The following POLRMT variants were observed in gnomAD, a reference collection of about 807,000 sequenced individuals.
The protein encoded by POLRMT is RNA polymerase mitochondrial, also known as DNA-directed RNA polymerase, mitochondrial.
A neutral mutation model predicts 132.2 loss-of-function variants in POLRMT; 114 were observed. The observed-to-expected ratio is 0.86, with a 90% CI of 0.74 to 1.01. The LOEUF is 1.01. POLRMT is among the 50% of genes least tolerant of loss of function. POLRMT has a pLI of 0.00. For missense variants in POLRMT, 2,003 were observed against 1,729.1 expected, an observed-to-expected ratio of 1.16 and a Z score of -2.81; for synonymous variants, 1,020 against 773.4, an observed-to-expected ratio of 1.32 and a Z score of -5.29.
intron 3 of POLRMT, among the ~76,000 whole-genome samples, chr19:627,397 C>T (rs1337864718): frequency 1.3e-5 from 2 of 151,740 alleles, no homozygotes; most frequent in Non-Finnish European, 2.9e-5. Context: ...CGTGATCCGC[C>T]CGCCTCAGCC....
intron 3 of POLRMT, among the ~76,000 whole-genome samples, chr19:628,832 C>T (rs914677791): frequency 3.3e-5 from 5 of 151,934 alleles, no homozygotes; most frequent in Non-Finnish European, 5.9e-5. Flanking sequence ...GTGAAACCCC[C>T]GTCTCTACTC....
chr19:628,618 G>A (rs1030790183), intron 3 of POLRMT, among the ~76,000 whole-genome samples: 1 of 131,232 alleles, frequency 7.6e-6, no homozygotes, highest in African/African-American at 3.1e-5. Context: ...CTCAAATTAG[G>A]GCTGAAGGAT....
intron 5 of POLRMT, 55 bp downstream of exon 5, chr19:624,664 A>AC: frequency 6.4e-7 from 1 of 1,560,008 alleles, no homozygotes; most frequent in South Asian, 1.2e-5. Context: ...GGCTCCAGGA[A>AC]CCCCCAAAGG....
chr19:628,786 C>A (rs1239030144), intron 3 of POLRMT, among the ~76,000 whole-genome samples: 1 of 152,062 alleles, frequency 6.6e-6, no homozygotes, highest in Non-Finnish European at 1.5e-5. Flanking sequence ...GGGCAGATCA[C>A]GAGGTCAGGA....
chr19:629,120 C>T (rs1056211337), intron 3 of POLRMT, among the ~76,000 whole-genome samples: 2 of 152,128 alleles, frequency 1.3e-5, no homozygotes, highest in African/African-American at 2.4e-5. Context: ...GGGAATGCGG[C>T]GCCAGTGAAC....
rs1418335682 is a variant in POLRMT at position 632,869 on chromosome 19, C to A, written c.158G>T (p.Arg53Leu). The change falls in exon 2 of 21, where the codon CGC becomes CTC. Residue 53 changes from arginine to leucine, a missense_variant. Transcript: ENST00000588649. ...CTCCACGTGGCCCCAGTCCTTCCTG[C>A]GGTCTTGGTCTTGCTCCTGGGGGCT... The part of the protein sequence containing the change: ...SASPQEQDQD[R>L]RKDWGHVELL... The A allele has an allele frequency of 1.9e-6, 3 of 1,551,036 alleles. No homozygotes were observed. The African/African-American group carries it at 4.2e-5, about 22-fold the overall frequency.
chr19:624,218 G>C (rs2144646816), intron 5 of POLRMT, among the ~76,000 whole-genome samples: 1 of 152,284 alleles, frequency 6.6e-6, no homozygotes, highest in Admixed American at 6.5e-5. Context: ...AACACAAAAG[G>C]TCTCGCAGTG....
In POLRMT at chr19:619,596, T is replaced by TCGCTCAGCTCCCGGAGG; in HGVS notation, c.3039_3055dup (p.Asp1019AlafsTer5). ...ACATGCCTGGCGCACCTGGGGAAAG[T>TCGCTCAGCTCCCGGAGG]CGCTCAGCTCCCGGAGGCGCTTCTC... On this transcript the variant is annotated stop_gained and frameshift_variant, in exon 13 of 21. Coordinates refer to ENST00000588649, the MANE Select transcript of POLRMT (RefSeq NM_005035.4). LOFTEE classifies it high-confidence loss of function. 1 of 1,611,178 alleles carries TCGCTCAGCTCCCGGAGG rather than the reference T, an allele frequency of 6.2e-7. No individual in the cohort carries two copies.
Position 621,084 on chromosome 19 carries a change from G to A in POLRMT, c.2614C>T (p.Leu872=), listed in dbSNP as rs755045482. 1.8e-5 allele frequency: 29 copies of A among 1,609,314 alleles called. No individual in the cohort carries two copies. Among genetic ancestry groups the A allele is most frequent in the Non-Finnish European group, 2.3e-5 (27 of 1,178,236 alleles). Residue 872 remains leucine (L), a synonymous_variant, in exon 10 of 21, where the codon CTG becomes TTG. Transcript: ENST00000588649. ...GTCAAGGGTTGGTCCGCGGAGTCCAGGATGTCATCCATCACCTCCTCCGCA... is the reference window on the plus strand; with the variant it reads ...GTCAAGGGTTGGTCCGCGGAGTCCAAGATGTCATCCATCACCTCCTCCGCA... ...AFAEEVMDDI[L]DSADQPLTGR...
chr19:617,778 T>G lies in POLRMT; in HGVS notation c.3494A>C (p.Gln1165Pro). The G allele has an allele frequency of 6.2e-7, 1 of 1,613,224 alleles. No individual in the cohort carries two copies. The highest frequency in any genetic ancestry group is 8.5e-7 in the Non-Finnish European group (1 of 1,179,832). ...THAADVSVMN[Q>P]VCREQFVRLH... Reference sequence around the variant, plus strand: ...CTGAGGCTCAGACTACGGGGGCACCTGGTTCATGACGGAGACATCAGCTGC... The same window carrying G: ...CTGAGGCTCAGACTACGGGGGCACCGGGTTCATGACGGAGACATCAGCTGC... The change falls in exon 18 of 21, where the codon CAG (glutamine) becomes CCG (proline). Residue 1165 changes from glutamine to proline, a missense_variant and splice_region_variant. Coordinates refer to ENST00000588649, the MANE Select transcript of POLRMT (RefSeq NM_005035.4).
At position 621,479 on chromosome 19, in the gene POLRMT, TGGGGCGCCTCGGAGGGC is replaced by T; in HGVS notation, c.2202_2218del (p.Pro735AlafsTer21). 7.3e-7 allele frequency: 1 copy of T among 1,363,702 alleles called. No homozygotes were observed. Among genetic ancestry groups the T allele is most frequent in the South Asian group, 1.7e-5 (1 of 58,632 alleles). 84.5% of individuals were successfully genotyped at this position (1,363,702 alleles called of 1,614,324 possible). On this transcript the variant is annotated frameshift_variant, in exon 10 of 21. Transcript: ENST00000588649. LOFTEE classifies it high-confidence loss of function. ...GTGCGGCAGGTGGGCCTCGGGCGGC[TGGGGCGCCTCGGAGGGC>T]GGGGCCGGCACGCCTAGCTGGGGGC...
rs1210558573 is a variant in POLRMT, at chr19:625,187, A to G, written c.890T>C (p.Leu297Pro). 2 of 1,614,030 alleles carry G rather than the reference A, an allele frequency of 1.2e-6. No homozygotes were observed. Among genetic ancestry groups the G allele is most frequent in the Non-Finnish European group, 1.7e-6 (2 of 1,179,976 alleles). Residue 297 changes from leucine to proline, a missense_variant, in exon 4 of 21, where the codon CTG becomes CCG. Transcript: ENST00000588649. ...VKDAGLTPDL[L>P]SYAAALQCMG... ...GCACTGGAGGGCAGCCGCATAGGAC[A>G]GCAGGTCCGGAGTCAAGCCGGCATC...
rs749366408 is a variant in POLRMT at position 617,238 on chromosome 19, G to A, written c.*36C>T. 28 of 1,610,494 alleles carry A rather than the reference G, an allele frequency of 1.7e-5. 1 individual carries two copies. In the South Asian group the frequency reaches 1.9e-4, roughly 11 times the overall value. On this transcript the variant is annotated 3_prime_UTR_variant, in exon 21 of 21. Transcript: ENST00000588649. The stretch of plus-strand genomic sequence containing the variant: ...ACAGTGGCTCCTGGGGGTGGCAAAA[G>A]AGCTTTATTTACACACTGACAAGGC...
chr19:624,588 G>T, intron 5 of POLRMT, 131 bp downstream of exon 5: 2 of 1,036,336 alleles, frequency 1.9e-6, no homozygotes, highest in Non-Finnish European at 1.4e-6. Context: ...AGAGGAGGAA[G>T]GGAGGAATTC....
In POLRMT at chr19:620,179, AC is replaced by A. The variant is rs1034120051; in HGVS notation, c.2764-100del. On this transcript the variant is annotated intron_variant, in intron 11 of 20. Coordinates refer to ENST00000588649, the MANE Select transcript of POLRMT (RefSeq NM_005035.4). ...GGTCGAGCCGTTCCTAGGGCCGTGC[AC>A]CCCCCAGCCAAGTGCACCGGAGCCC... is the stretch of plus-strand genomic sequence containing the variant. 17 of 1,493,054 alleles carry A rather than the reference AC, an allele frequency of 1.1e-5. No individual in the cohort carries two copies. In the South Asian group the frequency reaches 1.4e-4, roughly 13 times the overall value. The allele number at this position is 1,493,054 out of a possible 1,614,324, so 92.5% of individuals were successfully genotyped here. A position where few individuals can be genotyped will look rare whatever the true frequency, so the allele number is the denominator to read the frequency against.
chr19:617,645 T>A lies in POLRMT; in HGVS notation c.3506A>T (p.Glu1169Val), dbSNP rs766021518. Residue 1169 changes from glutamate (E) to valine (V), a missense_variant, in exon 19 of 21, where the codon GAG (glutamate) becomes GTG (valine). Physicochemically the swap from Glu to Val is moderately radical, Grantham distance 121. Coordinates refer to ENST00000588649, the MANE Select transcript of POLRMT (RefSeq NM_005035.4). ...DVSVMNQVCR[E>V]QFVRLHSEPI... ...CTCGCTGTGCAAGCGGACAAACTGCTCCCGGCACACCTGGGCAGGAGTCAG... is the reference window on the plus strand; with the variant it reads ...CTCGCTGTGCAAGCGGACAAACTGCACCCGGCACACCTGGGCAGGAGTCAG... The A allele has an allele frequency of 6.2e-7, 1 of 1,612,308 alleles. No homozygotes were observed. Among genetic ancestry groups the A allele is most frequent in the Non-Finnish European group, 8.5e-7 (1 of 1,179,954 alleles).
rs761792363 is a variant in POLRMT at position 622,973 on chromosome 19, T to C, written c.1303A>G (p.Lys435Glu). 1 of 1,612,670 alleles carries C rather than the reference T, an allele frequency of 6.2e-7. No individual in the cohort carries two copies. The highest frequency in any genetic ancestry group is 2.2e-5 in the East Asian group (1 of 44,874). The change falls in exon 7 of 21, where the codon AAG becomes GAG. Residue 435 changes from lysine to glutamate, a missense_variant. By Grantham distance (56) the Lys-to-Glu change is moderately conservative (BLOSUM62 1). Coordinates refer to ENST00000588649, the MANE Select transcript of POLRMT (RefSeq NM_005035.4). Reference protein sequence around the residue: ...KEVKHARKTLKTLRDQWEKAL... With the variant: ...KEVKHARKTLETLRDQWEKAL... ...TTCTCCCATTGGTCCCGCAGGGTCT[T>C]CAGGGTCTTCCGCTGCGGGGGATGA... is the stretch of plus-strand genomic sequence containing the variant.
rs771364565 is a variant in POLRMT at position 621,823 on chromosome 19, C to T, written c.1875G>A (p.Pro625=). The part of the protein sequence containing the change: ...VQQIGILKPH[P]AYVQLLEKAA... ...CCTTCTCCAGCAGCTGCACGTAGGCCGGGTGCGGCTTCAGGATGCCGATCT... is the reference window on the plus strand; with the variant it reads ...CCTTCTCCAGCAGCTGCACGTAGGCTGGGTGCGGCTTCAGGATGCCGATCT... The change falls in exon 10 of 21, where the codon CCG becomes CCA. Residue 625 remains proline (P), a synonymous_variant. Coordinates refer to ENST00000588649, the MANE Select transcript of POLRMT (RefSeq NM_005035.4). The T allele has an allele frequency of 6.2e-7, 1 of 1,602,398 alleles. No homozygotes were observed. Among genetic ancestry groups the T allele is most frequent in the Non-Finnish European group, 8.5e-7 (1 of 1,179,824 alleles).
rs1568372003 is a variant in POLRMT at position 617,241 on chromosome 19, C to T, written c.*33G>A. On this transcript the variant is annotated 3_prime_UTR_variant, in exon 21 of 21. Transcript: ENST00000588649. ...GTGGCTCCTGGGGGTGGCAAAAGAG[C>T]TTTATTTACACACTGACAAGGCTCA... 1 of 1,611,312 alleles carries T rather than the reference C, an allele frequency of 6.2e-7. No homozygotes were observed. Among genetic ancestry groups the T allele is most frequent in the South Asian group, 1.1e-5 (1 of 90,998 alleles).
Sources: gnomAD v4.1 joint callset for allele counts (sites outside exome capture counted in the v4.1 genomes callset) on GRCh38, gnomAD v4.1.1 for gene constraint, MANE v1.5 for transcripts, NCBI Gene and HGNC (gene_info 2026-07-23, HGNC 2026-07-21) for gene names.